NRG3: variants seen among roughly 807,000 people sequenced by gnomAD.
NRG3 encodes neuregulin 3, also known as pro-neuregulin-3, membrane-bound isoform.
Under a neutral mutation model 66.9 loss-of-function variants are expected in NRG3, and 31 were observed. That is an observed-to-expected ratio of 0.46 (90% CI 0.35 to 0.63). NRG3 has a LOEUF of 0.63. NRG3 is among the 20% of genes least tolerant of loss of function. NRG3 has a pLI of 0.00. For missense variants in NRG3, 910 were observed against 878.9 expected (o/e 1.04, Z -0.45); for synonymous variants, 393 against 359.4 (o/e 1.09, Z -1.06).
At chr10:82,923,720 G>A (rs1159559125) in intron 4 of NRG3, among the ~76,000 whole-genome samples, 10 of 151,924 alleles carry the variant, frequency 6.6e-5, no homozygotes, top group African/African-American at 1.2e-4. Flanking sequence ...TCTTGTTTAA[G>A]TAGGTTAAAA....
At chr10:81,901,596 G>C (rs545874612) in intron 1 of NRG3, among the ~76,000 whole-genome samples, 2 of 152,174 alleles carry the variant, frequency 1.3e-5, no homozygotes, top group East Asian at 1.9e-4. Flanking sequence ...TTGAGCCTAG[G>C]AGTTTGAGGC....
chr10:82,289,668 A>G (rs2079612622), intron 1 of NRG3, among the ~76,000 whole-genome samples: 1 of 152,198 alleles, frequency 6.6e-6, no homozygotes, highest in Non-Finnish European at 1.5e-5. Context: ...TGTATAATAT[A>G]TACCTTTATA....
intron 1 of NRG3, among the ~76,000 whole-genome samples, chr10:81,944,073 A>G (rs1848630021): frequency 6.6e-6 from 1 of 152,218 alleles, no homozygotes; most frequent in South Asian, 2.1e-4. Context: ...ACAGAGCCAC[A>G]GTGGATGAGT....
At chr10:82,294,538 G>A (rs1161727190) in intron 1 of NRG3, among the ~76,000 whole-genome samples, 1 of 151,990 alleles carries the variant, frequency 6.6e-6, no homozygotes, top group Non-Finnish European at 1.5e-5. Context: ...TGTGCTGTAA[G>A]ACTTCTTCAG....
At position 82,241,141 on chromosome 10, in the gene NRG3, G is replaced by A. The variant is rs369964778; in HGVS notation, c.824-117598G>A. On this transcript the variant is annotated intron_variant, in intron 1 of 8. Transcript: ENST00000372141. ...GAAGTGATATACTTTAAGGTGTGAG[G>A]ACAAAAACTTGCAAAAAAACAACAT... is the stretch of plus-strand genomic sequence containing the variant. 9.9e-5 allele frequency among the ~76,000 whole-genome samples: 15 copies of A among 152,008 alleles called. No homozygotes were observed. The East Asian group carries it at 2.3e-3, about 24-fold the overall frequency.
intron 2 of NRG3, among the ~76,000 whole-genome samples, chr10:82,402,558 T>A (rs1195405477): frequency 6.6e-6 from 1 of 152,182 alleles, no homozygotes; most frequent in Non-Finnish European, 1.5e-5. Context: ...TCATATTTAC[T>A]ATGTGAGAAT....
intron 3 of NRG3, among the ~76,000 whole-genome samples, chr10:82,748,944 G>A (rs923077613): frequency 1.3e-5 from 2 of 151,896 alleles, no homozygotes; most frequent in Non-Finnish European, 2.9e-5. Flanking sequence ...TGAGAGAATC[G>A]CTTTCCCATA....
intron 1 of NRG3, among the ~76,000 whole-genome samples, chr10:82,278,784 T>G (rs1318190850): frequency 6.6e-6 from 1 of 152,152 alleles, no homozygotes; most frequent in African/African-American, 2.4e-5. Flanking sequence ...GAAATTTGAC[T>G]GAGGGTCTCA....
intron 3 of NRG3, among the ~76,000 whole-genome samples, chr10:82,805,883 G>A (rs1281500416): frequency 2.0e-5 from 3 of 152,182 alleles, no homozygotes; most frequent in Admixed American, 2.0e-4. Context: ...CTGTTCCAAA[G>A]ACTTCTTAGT....
intron 1 of NRG3, among the ~76,000 whole-genome samples, chr10:81,896,015 T>C (rs564150416): frequency 6.6e-6 from 1 of 152,274 alleles, no homozygotes; most frequent in African/African-American, 2.4e-5. Flanking sequence ...CTAAATTTTA[T>C]CTTAAATGTT....
chr10:82,699,649 T>C (rs1298147805), intron 2 of NRG3, among the ~76,000 whole-genome samples: 2 of 152,134 alleles, frequency 1.3e-5, no homozygotes, highest in Admixed American at 6.6e-5. Context: ...CCCTACTTGG[T>C]GCACTTGTTC....
rs5786535 is a variant in NRG3 at position 82,173,270 on chromosome 10, GTT to G, written c.824-185458_824-185457del. Among the ~76,000 whole-genome samples the G allele has an allele frequency of 6.1e-5, 9 of 147,912 alleles. No homozygotes were observed. The East Asian group carries it at 7.9e-4, about 13-fold the overall frequency. On this transcript the variant is annotated intron_variant, in intron 1 of 8. Transcript: ENST00000372141. ...AGGCCAATGTAGCCAGATACATTAA[GTT>G]TTTTTTTTTTCCATTTGTCATTCAG...
chr10:82,056,743 T>G (rs569138402), intron 1 of NRG3, among the ~76,000 whole-genome samples: 1 of 152,320 alleles, frequency 6.6e-6, no homozygotes, highest in Non-Finnish European at 1.5e-5. Context: ...CTTTCAAAGA[T>G]GCTTTTCTGG....
At chr10:82,179,105 C>T (rs529751659) in intron 1 of NRG3, among the ~76,000 whole-genome samples, 1 of 151,934 alleles carries the variant, frequency 6.6e-6, no homozygotes, top group East Asian at 1.9e-4. Context: ...TTTTTTGCTA[C>T]TGAACTATAG....
intron 2 of NRG3, among the ~76,000 whole-genome samples, chr10:82,603,842 G>A (rs1253114684): frequency 1.3e-5 from 2 of 152,056 alleles, no homozygotes; most frequent in Non-Finnish European, 2.9e-5. Flanking sequence ...CATGGCATTG[G>A]ATTTCATACA....
chr10:82,274,841 A>G (rs913417081), intron 1 of NRG3, among the ~76,000 whole-genome samples: 28 of 151,916 alleles, frequency 1.8e-4, no homozygotes, highest in African/African-American at 6.5e-4. Context: ...GTTTCCATTC[A>G]TTACCTCACT....
chr10:82,448,390 A>G (rs375924527), intron 2 of NRG3, among the ~76,000 whole-genome samples: 1 of 152,236 alleles, frequency 6.6e-6, no homozygotes, highest in African/African-American at 2.4e-5. Context: ...ATGTATTTTA[A>G]ACAATTTTAC....
chr10:82,037,519 C>A (rs1303174172), intron 1 of NRG3, among the ~76,000 whole-genome samples: 1 of 152,130 alleles, frequency 6.6e-6, no homozygotes, highest in Admixed American at 6.5e-5. Context: ...CTCCTTTTCC[C>A]TTCTTTGTTC....
chr10:82,033,792 A>G (rs577322750), intron 1 of NRG3, among the ~76,000 whole-genome samples: 3 of 152,226 alleles, frequency 2.0e-5, no homozygotes, highest in South Asian at 2.1e-4. Flanking sequence ...ATTAAACTCT[A>G]TGCTTACCTG....
Sources: gnomAD v4.1 joint callset for allele counts (sites outside exome capture counted in the v4.1 genomes callset) on GRCh38, gnomAD v4.1.1 for gene constraint, MANE v1.5 for transcripts, NCBI Gene and HGNC (gene_info 2026-07-23, HGNC 2026-07-21) for gene names.